Variants in ARSB observed in about 807,000 individuals in gnomAD.
ARSB encodes the protein N-acetylgalactosamine-4-sulfatase.
A neutral mutation model predicts 50.9 loss-of-function variants in ARSB; 41 were observed. The observed-to-expected ratio is 0.81, with a 90% CI of 0.63 to 1.04. The LOEUF is 1.04. Ranked by LOEUF, ARSB falls within the 50% of genes least tolerant of loss-of-function variation. ARSB has a pLI of 0.00. For missense variants in ARSB, 672 were observed against 693.3 expected, an observed-to-expected ratio of 0.97 and a Z score of 0.35; for synonymous variants, 269 against 284.8, an observed-to-expected ratio of 0.94 and a Z score of 0.56.
At chr5:78,898,285 C>T (rs558436757) in intron 4 of ARSB, among the ~76,000 whole-genome samples, 5 of 152,062 alleles carry the variant, frequency 3.3e-5, no homozygotes, top group Non-Finnish European at 5.9e-5. Flanking sequence ...CAAAACAAAA[C>T]CTTCTCACCA....
In ARSB at chr5:78,778,998, C is replaced by G. The variant is rs1748847479; in HGVS notation, c.*1399G>C. ...GTACCACTGTACTCCAACCTGGTGA[C>G]AGAGTGAGATCGTCTCATAAAGATA... On this transcript the variant is annotated 3_prime_UTR_variant, in exon 8 of 8. Transcript: ENST00000264914. The G allele has an allele frequency of 6.6e-6, 1 of 151,882 alleles. No individual in the cohort carries two copies. Among genetic ancestry groups the G allele is most frequent in the African/African-American group, 2.4e-5 (1 of 41,336 alleles). The allele number at this position is 151,882 out of a possible 1,614,324, so 9.4% of individuals were successfully genotyped here.
chr5:78,788,637 G>A (rs1235220117), intron 6 of ARSB, among the ~76,000 whole-genome samples: 1 of 151,948 alleles, frequency 6.6e-6, no homozygotes, highest in African/African-American at 2.4e-5. Context: ...CTGTTGCTCA[G>A]GCTAAAATAC....
chr5:78,822,767 A>G (rs1439187371), intron 6 of ARSB, among the ~76,000 whole-genome samples: 1 of 152,098 alleles, frequency 6.6e-6, no homozygotes, highest in Non-Finnish European at 1.5e-5. Flanking sequence ...CCTCCTGAGT[A>G]GCTGGGACTA....
intron 6 of ARSB, among the ~76,000 whole-genome samples, chr5:78,809,702 C>T (rs1243258195): frequency 6.6e-6 from 1 of 152,270 alleles, no homozygotes; most frequent in Non-Finnish European, 1.5e-5. Context: ...CACTCACTGC[C>T]AGTCACGCTT....
intron 5 of ARSB, 148 bp downstream of exon 5, chr5:78,885,436 T>G (rs1747972488): frequency 9.0e-7 from 1 of 1,110,038 alleles, no homozygotes; most frequent in Non-Finnish European, 1.3e-6. Flanking sequence ...ATACTTACAA[T>G]GTCTCTAAAG....
At position 78,984,940 on chromosome 5, in the gene ARSB, G is replaced by A. The variant is rs1372316156; in HGVS notation, c.309C>T (p.Tyr103=). 4 of 1,417,112 alleles carry A rather than the reference G, an allele frequency of 2.8e-6. No individual in the cohort carries two copies. The highest frequency in any genetic ancestry group is 3.7e-6 in the Non-Finnish European group (4 of 1,082,054). The allele number at this position is 1,417,112 out of a possible 1,614,324, so 87.8% of individuals were successfully genotyped here. A position where few individuals can be genotyped will look rare whatever the true frequency, so the allele number is the denominator to read the frequency against. The part of the protein sequence containing the change: ...PSRSQLLTGR[Y]QIRTGLQHQI... ...GGGCGGCGGGGGCGCCGCGTACCTG[G>A]TAGCGGCCAGTGAGCAGCTGGCTCC... The change falls in exon 1 of 8, where the codon TAC becomes TAT. Residue 103 remains tyrosine, a synonymous_variant. Coordinates refer to ENST00000264914, the MANE Select transcript of ARSB (RefSeq NM_000046.5).
intron 7 of ARSB, 104 bp downstream of exon 7, chr5:78,781,748 G>A: frequency 6.6e-7 from 1 of 1,513,282 alleles, no homozygotes; most frequent in South Asian, 1.1e-5. Flanking sequence ...ATGGCCGTGG[G>A]AATCAAATCC....
chr5:78,885,928 A>G, intron 4 of ARSB, 101 bp from the exon 5 acceptor site: 1 of 1,571,154 alleles, frequency 6.4e-7, no homozygotes, highest in Non-Finnish European at 8.7e-7. Context: ...TGCTTAAATA[A>G]TAAAAAAAAA....
chr5:78,902,230 A>G (rs924509708), intron 4 of ARSB, among the ~76,000 whole-genome samples: 1 of 152,244 alleles, frequency 6.6e-6, no homozygotes, highest in African/African-American at 2.4e-5. Context: ...AGTGACATTA[A>G]TCTATTCATG....
chr5:78,859,784 C>A (rs189192983), intron 5 of ARSB, among the ~76,000 whole-genome samples: 103 of 152,138 alleles, frequency 6.8e-4, no homozygotes, highest in Non-Finnish European at 2.9e-4. Context: ...CCTCCTCTCA[C>A]CCCGAATGCT....
At chr5:78,819,560 T>C (rs1318734760) in intron 6 of ARSB, among the ~76,000 whole-genome samples, 2 of 152,266 alleles carry the variant, frequency 1.3e-5, no homozygotes, top group African/African-American at 4.8e-5. Context: ...TTTAGTTATT[T>C]ATTCAATCAC....
At chr5:78,936,981 G>C (rs1175227554) in intron 4 of ARSB, among the ~76,000 whole-genome samples, 1 of 152,068 alleles carries the variant, frequency 6.6e-6, no homozygotes, top group African/African-American at 2.4e-5. Context: ...TCTTCTTGCT[G>C]TCACTGTAGT....
chr5:78,974,930 T>TC (rs1752602219), intron 1 of ARSB, among the ~76,000 whole-genome samples: 1 of 152,204 alleles, frequency 6.6e-6, no homozygotes, highest in South Asian at 2.1e-4. Flanking sequence ...CCTTTGTTTC[T>TC]CCCCCTAAAG....
chr5:78,810,600 G>A (rs1452957334), intron 6 of ARSB, among the ~76,000 whole-genome samples: 5 of 152,228 alleles, frequency 3.3e-5, no homozygotes, highest in Non-Finnish European at 7.3e-5. Context: ...CTAGATGCCA[G>A]CAAAGCTGCG....
intron 3 of ARSB, among the ~76,000 whole-genome samples, chr5:78,959,437 G>C (rs1751888199): frequency 6.6e-6 from 1 of 151,526 alleles, no homozygotes. Flanking sequence ...AATACAGTAA[G>C]AAATCCCAAA....
intron 4 of ARSB, among the ~76,000 whole-genome samples, chr5:78,947,434 G>A (rs919486361): frequency 1.3e-5 from 2 of 151,712 alleles, no homozygotes; most frequent in African/African-American, 2.4e-5. Context: ...ACTCTATGGG[G>A]AAAAAAAATC....
chr5:78,803,199 C>T (rs1054268170), intron 6 of ARSB, among the ~76,000 whole-genome samples: 1 of 152,350 alleles, frequency 6.6e-6, no homozygotes. Flanking sequence ...CGTCTGCTTT[C>T]CTGGAGAGTG....
intron 6 of ARSB, among the ~76,000 whole-genome samples, chr5:78,802,662 T>G: frequency 6.6e-6 from 1 of 152,118 alleles, no homozygotes; most frequent in East Asian, 1.9e-4. Context: ...GAAGAGAAAC[T>G]AATTAGAGAG....
chr5:78,848,985 A>C (rs558453270), intron 5 of ARSB, among the ~76,000 whole-genome samples: 1 of 152,148 alleles, frequency 6.6e-6, no homozygotes, highest in Non-Finnish European at 1.5e-5. Flanking sequence ...AGATGAGTAG[A>C]TTGCAAAAAT....
Sources: gnomAD v4.1 joint callset for allele counts (sites outside exome capture counted in the v4.1 genomes callset) on GRCh38, gnomAD v4.1.1 for gene constraint, MANE v1.5 for transcripts, NCBI Gene and HGNC (gene_info 2026-07-23, HGNC 2026-07-21) for gene names.